Variants in ENAH observed in about 807,000 individuals in gnomAD.
ENAH encodes protein enabled homolog.
ENAH carries 23 observed loss-of-function variants against 78.7 expected under a neutral mutation model. The observed-to-expected ratio is 0.29, with a 90% CI of 0.21 to 0.41. ENAH has a LOEUF of 0.41. Among genes scored for constraint, ENAH ranks in the 10% least tolerant of loss-of-function variants. The pLI is 1.00. For missense variants in ENAH, 544 were observed against 691.0 expected, an observed-to-expected ratio of 0.79 and a Z score of 2.39; for synonymous variants, 226 against 241.0, an observed-to-expected ratio of 0.94 and a Z score of 0.58.
intron 4 of ENAH, 30 bp from the exon 5 acceptor site, chr1:225,519,595 T>G: frequency 4.4e-6 from 7 of 1,577,964 alleles, no homozygotes; most frequent in Non-Finnish European, 6.0e-6. Flanking sequence ...AGTAAAAACA[T>G]GCATCTATGG....
chr1:225,551,588 A>C (rs2096640880), intron 3 of ENAH, among the ~76,000 whole-genome samples: 1 of 152,324 alleles, frequency 6.6e-6, no homozygotes, highest in South Asian at 2.1e-4. Flanking sequence ...GAGAAGCTCC[A>C]TATTTTCTGT....
chr1:225,653,805 C>T (rs1663494596), upstream of ENAH, among the ~76,000 whole-genome samples: 1 of 152,232 alleles, frequency 6.6e-6, no homozygotes, highest in South Asian at 2.1e-4. This position sits in a 1 kb window ranked among gnomAD's most constrained non-coding sequence, Gnocchi z 4.3. Flanking sequence ...GCGATTCCTG[C>T]GGAGTTGAGG....
rs746549168 is a variant in ENAH at position 225,650,848 on chromosome 1, TAA to T, written c.5+1836_5+1837del. 5.2e-3 allele frequency among the ~76,000 whole-genome samples: 308 copies of T among 58,920 alleles called. 2 individuals are homozygous for T. The highest frequency in any genetic ancestry group is 0.018 in the South Asian group (21 of 1,140). 38.7% of individuals were successfully genotyped at this position (58,920 alleles called of 152,430 possible). A position where few individuals can be genotyped will look rare whatever the true frequency, so the allele number is the denominator to read the frequency against. The stretch of plus-strand genomic sequence containing the variant: ...CTGGGCAAGAGAGCAAGACTGCATT[TAA>T]AAAAAAAAAAAAAAAAAAAAAAAAA... On this transcript the variant is annotated intron_variant, in intron 1 of 13. Coordinates refer to ENST00000366843, the MANE Select transcript of ENAH (RefSeq NM_018212.6).
chr1:225,564,878 A>G (rs557437087), intron 2 of ENAH, among the ~76,000 whole-genome samples: 21 of 151,990 alleles, frequency 1.4e-4, no homozygotes, highest in African/African-American at 5.1e-4. Flanking sequence ...TACTACATAC[A>G]ATTAAGACTT....
intron 1 of ENAH, among the ~76,000 whole-genome samples, chr1:225,586,799 G>A (rs930624089): frequency 3.9e-5 from 6 of 152,112 alleles, no homozygotes; most frequent in Admixed American, 1.3e-4. Flanking sequence ...CAAGGCAGGC[G>A]AACCACTTGA....
chr1:225,601,451 G>C (rs1305067872), intron 1 of ENAH, among the ~76,000 whole-genome samples: 2 of 151,718 alleles, frequency 1.3e-5, no homozygotes, highest in Non-Finnish European at 2.9e-5. Flanking sequence ...CTGGGAGGCG[G>C]GGCTTGCAGT....
rs200512651 is a variant in ENAH at position 225,522,999 on chromosome 1, A to AC, written c.435-3435dup. Among the ~76,000 whole-genome samples the AC allele has an allele frequency of 8.4e-3, 1,274 of 151,810 alleles. 19 individuals are homozygous for AC. The highest frequency in any genetic ancestry group is 0.029 in the African/African-American group (1,210 of 41,400). On this transcript the variant is annotated intron_variant, in intron 4 of 13. Coordinates refer to ENST00000366843, the MANE Select transcript of ENAH (RefSeq NM_018212.6). ...AGTAGTTCACTGCCTCAACCCTCCC[A>AC]CCCGTTTCCTACTCTTGCAGCTGTT... is the stretch of plus-strand genomic sequence containing the variant.
intron 10 of ENAH, chr1:225,508,279 A>G (rs2096350027): frequency 1.3e-5 from 3 of 226,862 alleles, no homozygotes; most frequent in Middle Eastern, 1.4e-3. Flanking sequence ...TTATGATTCT[A>G]TAACCTTAGG....
At position 225,497,065 on chromosome 1, in the gene ENAH, T is replaced by C. The variant is rs1204286888; in HGVS notation, c.*710A>G. Reference sequence around the variant, plus strand: ...TAGATTTGGTAAAGCATTGTAACAATTTAGGAAGGCATCTAAATCTTTAAG... The same window carrying C: ...TAGATTTGGTAAAGCATTGTAACAACTTAGGAAGGCATCTAAATCTTTAAG... On this transcript the variant is annotated 3_prime_UTR_variant, in exon 14 of 14. Coordinates refer to ENST00000366843, the MANE Select transcript of ENAH (RefSeq NM_018212.6). 2 of 152,648 alleles carry C rather than the reference T, an allele frequency of 1.3e-5. No homozygotes were observed. The highest frequency in any genetic ancestry group is 1.3e-4 in the Admixed American group (2 of 15,278). The allele number at this position is 152,648 out of a possible 1,614,324, so 9.5% of individuals were successfully genotyped here.
intron 11 of ENAH, among the ~76,000 whole-genome samples, 176 bp downstream of exon 11, chr1:225,507,775 A>C (rs2096344870): frequency 6.6e-6 from 1 of 152,142 alleles, no homozygotes; most frequent in Non-Finnish European, 1.5e-5. Context: ...AATCACTAGT[A>C]ATGTAGATGA....
At chr1:225,583,228 G>A (rs1430405957) in intron 1 of ENAH, among the ~76,000 whole-genome samples, 1 of 152,050 alleles carries the variant, frequency 6.6e-6, no homozygotes, top group Non-Finnish European at 1.5e-5. Context: ...CCTGAGGTCA[G>A]AAGTTCAAGA....
intron 2 of ENAH, among the ~76,000 whole-genome samples, chr1:225,557,073 T>A (rs1000582821): frequency 6.6e-6 from 1 of 152,216 alleles, no homozygotes; most frequent in Non-Finnish European, 1.5e-5. Flanking sequence ...TTAGAGTGTG[T>A]CTTCCTGTTT....
At chr1:225,593,418 T>TGGGGGGGGG in intron 1 of ENAH, among the ~76,000 whole-genome samples, 1 of 41,910 alleles carries the variant, frequency 2.4e-5, no homozygotes, top group South Asian at 1.7e-3. Context: ...GGGGGGGGGG[T>TGGGGGGGGG]GGGGGGTGCC....
Position 225,495,826 on chromosome 1 carries a change from C to A in ENAH, c.*1949G>T, listed in dbSNP as rs924557958. On this transcript the variant is annotated 3_prime_UTR_variant, in exon 14 of 14. Transcript: ENST00000366843. ...ACTACTACTGCATGACAATGAATAT[C>A]TGATAGAAAAAAGAAATGTATACTT... The A allele has an allele frequency of 1.5e-4, 23 of 152,448 alleles. No homozygotes were observed. Among genetic ancestry groups the A allele is most frequent in the African/African-American group, 5.1e-4 (21 of 41,478 alleles). 9.4% of individuals were successfully genotyped at this position (152,448 alleles called of 1,614,324 possible).
rs892232402 is a variant in ENAH, at chr1:225,491,589, T to C, written c.*6186A>G. 3.3e-5 allele frequency: 5 copies of C among 152,306 alleles called. No homozygotes were observed. Among genetic ancestry groups the C allele is most frequent in the East Asian group, 3.9e-4 (2 of 5,186 alleles). The allele number at this position is 152,306 out of a possible 1,614,324, so 9.4% of individuals were successfully genotyped here. On this transcript the variant is annotated 3_prime_UTR_variant, in exon 14 of 14. Transcript: ENST00000366843. ...AAATTTTTAAAAGCGTTCTGTAATGTATCTCTCTTATATGGTTGCAACAAT... is the reference window on the plus strand; with the variant it reads ...AAATTTTTAAAAGCGTTCTGTAATGCATCTCTCTTATATGGTTGCAACAAT...
chr1:225,649,763 T>C (rs1662624110), intron 1 of ENAH, among the ~76,000 whole-genome samples: 1 of 152,236 alleles, frequency 6.6e-6, no homozygotes, highest in Non-Finnish European at 1.5e-5. Context: ...TTCTCTTCTG[T>C]ATAAGATTAT....
chr1:225,573,783 T>A (rs1241093724), intron 1 of ENAH, among the ~76,000 whole-genome samples: 2 of 152,236 alleles, frequency 1.3e-5, no homozygotes, highest in African/African-American at 4.8e-5. Context: ...CCAGTTAGTA[T>A]GTGATATGCT....
intron 3 of ENAH, among the ~76,000 whole-genome samples, chr1:225,549,208 G>A (rs563845768): frequency 5.3e-5 from 8 of 152,168 alleles, no homozygotes; most frequent in African/African-American, 1.9e-4. Context: ...TAGTTGTTTC[G>A]GAAAGCTAAA....
intron 3 of ENAH, among the ~76,000 whole-genome samples, chr1:225,544,760 T>C (rs879738871): frequency 4.6e-5 from 7 of 152,202 alleles, no homozygotes; most frequent in Non-Finnish European, 1.0e-4. Context: ...TATATTAAAA[T>C]GTATTTATTG....
Sources: gnomAD v4.1 joint callset for allele counts (sites outside exome capture counted in the v4.1 genomes callset) on GRCh38, gnomAD v4.1.1 for gene constraint, Gnocchi (gnomAD v3.1) non-coding constraint, MANE v1.5 for transcripts, NCBI Gene and HGNC (gene_info 2026-07-23, HGNC 2026-07-21) for gene names.